Variants in CTNNA2 observed in about 807,000 individuals in gnomAD.
CTNNA2 encodes the protein catenin alpha-2.
Under a neutral mutation model 101.0 loss-of-function variants are expected in CTNNA2, and 42 were observed. That is an observed-to-expected ratio of 0.42 (90% CI 0.32 to 0.54). The LOEUF is 0.54. Ranked by LOEUF, CTNNA2 falls within the 20% of genes least tolerant of loss-of-function variation. CTNNA2 has a pLI of 0.14. For synonymous variants in CTNNA2, 450 were observed against 456.4 expected (o/e 0.99, Z 0.18); for missense variants, 871 against 1,223.1 (o/e 0.71, Z 4.29).
chr2:79,238,033 G>A (rs368639227), intron 2 of CTNNA2, among the ~76,000 whole-genome samples: 27 of 152,296 alleles, frequency 1.8e-4, no homozygotes, highest in African/African-American at 6.0e-4. Flanking sequence ...GCTGTTTGGT[G>A]CAAGAGCCCT....
chr2:80,110,809 T>C (rs1394622987), intron 7 of CTNNA2, among the ~76,000 whole-genome samples: 1 of 152,142 alleles, frequency 6.6e-6, no homozygotes, highest in African/African-American at 2.4e-5. Flanking sequence ...TCTTAGAAAC[T>C]CTCTGGAACC....
At chr2:80,102,919 T>TG (rs375617101) in intron 7 of CTNNA2, among the ~76,000 whole-genome samples, 3 of 152,046 alleles carry the variant, frequency 2.0e-5, no homozygotes, top group African/African-American at 7.2e-5. Context: ...TTCAGGACAG[T>TG]GGGGGGCAGA....
intron 3 of CTNNA2, among the ~76,000 whole-genome samples, chr2:79,817,316 C>CTTTTTTTTTTTTTTTTTTTTTTTTTT (rs550422225): frequency 1.4e-5 from 1 of 73,846 alleles, no homozygotes; most frequent in Non-Finnish European, 2.6e-5. Flanking sequence ...TTCTCTCTCA[C>CTTTTTTTTTTTTTTTTTTTTTTTTTT]TTTTTTTTTT....
intron 7 of CTNNA2, among the ~76,000 whole-genome samples, chr2:80,198,938 A>G (rs941796136): frequency 6.6e-6 from 1 of 151,984 alleles, no homozygotes; most frequent in Non-Finnish European, 1.5e-5. Flanking sequence ...ATCCCAGCAC[A>G]TTTGGAGGCC....
At chr2:79,246,289 C>G (rs1239561337) in intron 2 of CTNNA2, among the ~76,000 whole-genome samples, 2 of 152,176 alleles carry the variant, frequency 1.3e-5, no homozygotes, top group Non-Finnish European at 2.9e-5. Flanking sequence ...CTAGGAAGGT[C>G]CAGACCAGGG....
At chr2:80,043,085 TTCTTTCTTTCTCTC>T (rs1333940682) in intron 7 of CTNNA2, among the ~76,000 whole-genome samples, 1,186 of 39,152 alleles carry the variant, frequency 0.03, 18 homozygotes, top group African/African-American at 0.072. Flanking sequence ...CTTTCTTTCT[TTCTTTCTTTCTCTC>T]TCTCTCTCTC....
At chr2:79,313,420 A>G (rs1251883052) in intron 3 of CTNNA2, among the ~76,000 whole-genome samples, 4 of 152,216 alleles carry the variant, frequency 2.6e-5, no homozygotes, top group Non-Finnish European at 5.9e-5. Flanking sequence ...TGTAGTTTGC[A>G]TGTATTATCT....
At chr2:79,616,952 G>A (rs1210742402) in intron 1 of CTNNA2, among the ~76,000 whole-genome samples, 1 of 150,622 alleles carries the variant, frequency 6.6e-6, no homozygotes, top group African/African-American at 2.5e-5. Flanking sequence ...CCCAGGCTGG[G>A]GTAGAATGGT....
chr2:80,015,535 G>A (rs916112072), intron 7 of CTNNA2, among the ~76,000 whole-genome samples: 2 of 152,128 alleles, frequency 1.3e-5, no homozygotes, highest in Non-Finnish European at 2.9e-5. Flanking sequence ...TGAAGTAGAG[G>A]AGAAGATGGT....
intron 9 of CTNNA2, among the ~76,000 whole-genome samples, chr2:80,464,467 T>G (rs1249500162): frequency 6.6e-6 from 1 of 152,172 alleles, no homozygotes; most frequent in Non-Finnish European, 1.5e-5. Context: ...CTACCAAAGT[T>G]CTTTGTGCTT....
intron 7 of CTNNA2, among the ~76,000 whole-genome samples, chr2:80,123,116 T>C (rs1701933461): frequency 6.6e-6 from 1 of 152,200 alleles, no homozygotes; most frequent in African/African-American, 2.4e-5. Flanking sequence ...AGGGAGAGGC[T>C]TAATTCATGA....
At chr2:79,814,420 G>A (rs1294182884) in intron 3 of CTNNA2, among the ~76,000 whole-genome samples, 1 of 151,938 alleles carries the variant, frequency 6.6e-6, no homozygotes, top group Non-Finnish European at 1.5e-5. Flanking sequence ...AATCCCCAAA[G>A]TCCATTGTAT....
intron 3 of CTNNA2, among the ~76,000 whole-genome samples, chr2:79,804,587 T>A (rs1419094443): frequency 6.6e-6 from 1 of 152,162 alleles, no homozygotes; most frequent in African/African-American, 2.4e-5. Context: ...GAATTTATAG[T>A]TTGACTTAAT....
At chr2:79,581,921 C>T (rs1370717125) in intron 1 of CTNNA2, among the ~76,000 whole-genome samples, 1 of 152,192 alleles carries the variant, frequency 6.6e-6, no homozygotes, top group Non-Finnish European at 1.5e-5. Context: ...GGTGCCTTTA[C>T]TTTGGTGTGC....
intron 7 of CTNNA2, among the ~76,000 whole-genome samples, chr2:80,149,782 A>G (rs1447893630): frequency 7.2e-6 from 1 of 138,486 alleles, no homozygotes; most frequent in East Asian, 2.0e-4. Flanking sequence ...GATCACACAC[A>G]CACACACACA....
intron 3 of CTNNA2, among the ~76,000 whole-genome samples, chr2:79,802,321 G>C (rs1489784176): frequency 6.6e-6 from 1 of 152,154 alleles, no homozygotes. Context: ...CTCCTACAGA[G>C]CATTTCTTTC....
chr2:79,457,779 G>A (rs1670841455), intron 4 of CTNNA2, among the ~76,000 whole-genome samples: 1 of 152,190 alleles, frequency 6.6e-6, no homozygotes, highest in South Asian at 2.1e-4. Flanking sequence ...AATTGACAAT[G>A]TTAAAGTAAA....
intron 3 of CTNNA2, among the ~76,000 whole-genome samples, chr2:79,818,715 C>T (rs1168300987): frequency 1.3e-5 from 2 of 151,308 alleles, no homozygotes; most frequent in African/African-American, 2.4e-5. Flanking sequence ...CTTATGGTTT[C>T]TCTTAGGCAA....
At chr2:80,581,677 T>A (rs1158261289) in intron 13 of CTNNA2, 29 bp from the exon 14 acceptor site, 1 of 1,355,444 alleles carries the variant, frequency 7.4e-7, no homozygotes, top group Admixed American at 1.7e-5. Context: ...TCAATTTAAG[T>A]ATGCTGACTT....
Sources: allele counts gnomAD v4.1 joint callset (sites outside exome capture counted in the v4.1 genomes callset), GRCh38; gene constraint gnomAD v4.1.1; transcripts MANE v1.5; gene names NCBI Gene and HGNC (gene_info 2026-07-23, HGNC 2026-07-21).